DSCC1: variants seen among roughly 807,000 people sequenced by gnomAD.
DSCC1 encodes the protein DNA replication and sister chromatid cohesion 1.
Under a neutral mutation model 48.2 loss-of-function variants are expected in DSCC1, and 32 were observed. That is an observed-to-expected ratio of 0.66 (90% CI 0.50 to 0.89). The LOEUF (loss-of-function observed/expected upper bound fraction) is 0.89, where lower values mean the gene tolerates loss of function less well. DSCC1 is among the 40% of genes least tolerant of loss of function. The pLI is 0.00. For synonymous variants in DSCC1, 150 were observed against 171.5 expected, an observed-to-expected ratio of 0.87 and a Z score of 0.98; for missense variants, 421 against 471.7, an observed-to-expected ratio of 0.89 and a Z score of 1.00.
chr8:119,835,101 T>C, intron 8 of DSCC1, 100 bp from the exon 9 acceptor site: 1 of 797,508 alleles, frequency 1.3e-6, no homozygotes, highest in Non-Finnish European at 2.0e-6. Context: ...TGAATCTGTC[T>C]TCTCAACAAG....
intron 4 of DSCC1, among the ~76,000 whole-genome samples, chr8:119,845,591 G>C (rs1185898660): frequency 1.3e-5 from 2 of 151,930 alleles, no homozygotes; most frequent in Admixed American, 6.6e-5. Context: ...CCATCCCCAT[G>C]CTGCAAGTTA....
intron 5 of DSCC1, among the ~76,000 whole-genome samples, chr8:119,843,286 C>G (rs1826801825): frequency 6.6e-6 from 1 of 151,970 alleles, no homozygotes; most frequent in South Asian, 2.1e-4. Context: ...GACGGGGTTT[C>G]ACCGTGTTGG....
At chr8:119,836,067 C>A (rs570470436) in intron 8 of DSCC1, among the ~76,000 whole-genome samples, 24 of 152,196 alleles carry the variant, frequency 1.6e-4, no homozygotes, top group African/African-American at 3.6e-4. Context: ...AATCCCAGCA[C>A]TTTAGGAGGC....
chr8:119,855,028 C>T (rs1274982324), intron 1 of DSCC1, among the ~76,000 whole-genome samples: 1 of 152,194 alleles, frequency 6.6e-6, no homozygotes, highest in Non-Finnish European at 1.5e-5. Flanking sequence ...TAACGATTCT[C>T]TAGACTTCTC....
At position 119,855,704 on chromosome 8, in the gene DSCC1, A is replaced by G. The variant is rs776313546; in HGVS notation, c.92T>C (p.Phe31Ser). ...ELLPAVHCLG[F>S]GPGASGAAAG... Reference sequence around the variant, plus strand: ...TGCAGCGCCGCTGGCCCCAGGGCCGAAGCCCAGGCAGTGCACCGCCGGCAG... The same window carrying G: ...TGCAGCGCCGCTGGCCCCAGGGCCGGAGCCCAGGCAGTGCACCGCCGGCAG... Residue 31 changes from phenylalanine to serine, a missense_variant, in exon 1 of 9, where the codon TTC becomes TCC. Phe to Ser is a radical substitution (Grantham distance 155). Around this residue, in one of 3 missense-constraint regions of DSCC1, gnomAD observed 174 missense variants for 184.5 expected, o/e 0.94. Transcript: ENST00000313655. 2 of 1,563,886 alleles carry G rather than the reference A, an allele frequency of 1.3e-6. No individual in the cohort carries two copies. Among genetic ancestry groups the G allele is most frequent in the South Asian group, 1.2e-5 (1 of 85,380 alleles).
At chr8:119,844,729 G>A (rs1412107157) in intron 4 of DSCC1, among the ~76,000 whole-genome samples, 1 of 151,880 alleles carries the variant, frequency 6.6e-6, no homozygotes, top group Non-Finnish European at 1.5e-5. Flanking sequence ...CCAGTGCTTT[G>A]ACATTCAGTT....
At position 119,850,004 on chromosome 8, in the gene DSCC1, T is replaced by C. The variant is rs556310139; in HGVS notation, c.486+378A>G. Among the ~76,000 whole-genome samples, 5 of 152,244 alleles carry C rather than the reference T, an allele frequency of 3.3e-5. No individual in the cohort carries two copies. The East Asian group carries it at 5.8e-4, about 18-fold the overall frequency. On this transcript the variant is annotated intron_variant, in intron 3 of 8. Transcript: ENST00000313655. ...CTCTCAAGAGCATCTAGTCATAATT[T>C]TAATTAAATAAATTTTTTACCTCTA...
intron 1 of DSCC1, among the ~76,000 whole-genome samples, chr8:119,854,226 C>T (rs959077502): frequency 6.6e-6 from 1 of 151,628 alleles, no homozygotes; most frequent in Non-Finnish European, 1.5e-5. Flanking sequence ...TCCCACCACT[C>T]TCTCCCCAAA....
In DSCC1 at chr8:119,855,875, G is replaced by T; in HGVS notation, c.-80C>A. ...GCAAGAAAGAAGTTCCCAAGCAGCC[G>T]GAAGGTAGGAAACCTGAGCGTTTGA... On this transcript the variant is annotated 5_prime_UTR_variant, in exon 1 of 9. Transcript: ENST00000313655. 7.2e-7 allele frequency: 1 copy of T among 1,384,510 alleles called. No homozygotes were observed. The allele number at this position is 1,384,510 out of a possible 1,614,324, so 85.8% of individuals were successfully genotyped here. A position where few individuals can be genotyped will look rare whatever the true frequency, so the allele number is the denominator to read the frequency against.
intron 4 of DSCC1, 42 bp downstream of exon 4, chr8:119,846,948 G>A: frequency 1.9e-6 from 3 of 1,567,184 alleles, no homozygotes; most frequent in Non-Finnish European, 2.6e-6. Context: ...CCCTTATGAT[G>A]CCCAATTTCA....
chr8:119,835,410 G>C (rs1044729718), intron 8 of DSCC1, among the ~76,000 whole-genome samples: 1 of 151,920 alleles, frequency 6.6e-6, no homozygotes, highest in Non-Finnish European at 1.5e-5. Context: ...GGGAGGCTGG[G>C]GCAGGAGAAT....
chr8:119,852,129 A>G (rs1160778139), intron 2 of DSCC1, among the ~76,000 whole-genome samples: 1 of 152,148 alleles, frequency 6.6e-6, no homozygotes, highest in East Asian at 1.9e-4. Flanking sequence ...ATTTAAGGAT[A>G]TAGTTGGCCT....
At chr8:119,844,154 T>G (rs905060364) in intron 4 of DSCC1, among the ~76,000 whole-genome samples, 1 of 151,808 alleles carries the variant, frequency 6.6e-6, no homozygotes, top group Non-Finnish European at 1.5e-5. Context: ...AAAGAGACAC[T>G]AGGCTGGGCG....
In DSCC1 at chr8:119,849,204, A is replaced by AG. The variant is rs1563946481; in HGVS notation, c.486+1177_486+1178insC. Among the ~76,000 whole-genome samples, 3 of 145,724 alleles carry AG rather than the reference A, an allele frequency of 2.1e-5. 1 individual carries two copies. Among genetic ancestry groups the AG allele is most frequent in the African/African-American group, 7.9e-5 (3 of 38,192 alleles). On this transcript the variant is annotated intron_variant, in intron 3 of 8. Coordinates refer to ENST00000313655, the MANE Select transcript of DSCC1 (RefSeq NM_024094.3). ...CCTCTCAAAAAAAAAAAAAAAAAAA[A>AG]AAGACTAGCCTGGCCAACATGGTGA...
chr8:119,842,813 G>A lies in DSCC1; in HGVS notation c.732C>T (p.His244=). The change falls in exon 6 of 9, where the codon CAC becomes CAT. Residue 244 remains histidine (H), a synonymous_variant. Transcript: ENST00000313655. ...ATTTCTTCCCATAACATTTAAGACA[G>A]TGTTCTATCATTTCCCTGAAAAATT... ...GPLEPEEMIE[H]CLKCYGKKYV... The A allele has an allele frequency of 6.3e-7, 1 of 1,595,818 alleles. No homozygotes were observed. The highest frequency in any genetic ancestry group is 8.5e-7 in the Non-Finnish European group (1 of 1,173,646).
chr8:119,854,445 G>C (rs1307876087), intron 1 of DSCC1, among the ~76,000 whole-genome samples: 1 of 152,064 alleles, frequency 6.6e-6, no homozygotes. Context: ...ATTTATTTTT[G>C]ACTAAGTCTT....
chr8:119,850,434 T>A lies in DSCC1; in HGVS notation c.434A>T (p.Asn145Ile). The part of the protein sequence containing the change: ...LKKLKKLLME[N>I]PYEGPDSQKE... ...TTGACTGTCAGGTCCTTCATATGGA[T>A]TTTCCATCAAAAGTTTCTTTAGCTT... Residue 145 changes from asparagine (N) to isoleucine (I), a missense_variant, in exon 3 of 9, where the codon AAT (asparagine) becomes ATT (isoleucine). By Grantham distance (149) the Asn-to-Ile change is moderately radical. Transcript: ENST00000313655. The A allele has an allele frequency of 6.2e-7, 1 of 1,602,548 alleles. No individual in the cohort carries two copies. The highest frequency in any genetic ancestry group is 8.5e-7 in the Non-Finnish European group (1 of 1,176,378).
chr8:119,834,948 T>C lies in DSCC1; in HGVS notation c.1127A>G (p.His376Arg), dbSNP rs1055130. ...TTTAACACCATTTTGCATCGAAGAA[T>C]GAGAATATTTAGTGAGTAATGCACC... Reference protein sequence around the residue: ...TIGALLTKYSHSSMQNGVKVY... With the variant: ...TIGALLTKYSRSSMQNGVKVY... Residue 376 changes from histidine (H) to arginine (R), a missense_variant, in exon 9 of 9, where the codon CAT becomes CGT. Physicochemically the swap from His to Arg is conservative, Grantham distance 29 (BLOSUM62 0). Transcript: ENST00000313655. The C allele has an allele frequency of 0.69, 1,111,474 of 1,606,106 alleles. 387,014 individuals are homozygous for C. The highest frequency in any genetic ancestry group is 0.81 in the Middle Eastern group (4,917 of 6,046).
At chr8:119,835,455 G>A (rs183397447) in intron 8 of DSCC1, among the ~76,000 whole-genome samples, 11 of 151,934 alleles carry the variant, frequency 7.2e-5, no homozygotes, top group South Asian at 2.1e-4. Flanking sequence ...TGCAGTGAGC[G>A]GAGATCGCGC....
Sources: allele counts gnomAD v4.1 joint callset (sites outside exome capture counted in the v4.1 genomes callset), GRCh38; gene constraint gnomAD v4.1.1; regional missense constraint gnomAD v4.1.1; transcripts MANE v1.5; gene names NCBI Gene and HGNC (gene_info 2026-07-23, HGNC 2026-07-21).